Variants in CUBN observed in about 807,000 individuals in gnomAD.
The protein encoded by CUBN is cubilin.
CUBN carries 282 observed loss-of-function variants against 405.3 expected under a neutral mutation model. The observed-to-expected ratio is 0.70, with a 90% confidence interval of 0.63 to 0.77. The LOEUF (loss-of-function observed/expected upper bound fraction) is 0.77. CUBN is among the 30% of genes least tolerant of loss of function. The pLI, the probability that CUBN is intolerant of heterozygous loss-of-function variation, is 0.00. For missense variants in CUBN, 4,514 were observed against 4,475.2 expected, an observed-to-expected ratio of 1.01 and a Z score of -0.25; for synonymous variants, 1,684 against 1,617.0, an observed-to-expected ratio of 1.04 and a Z score of -0.99.
Position 16,899,102 on chromosome 10 carries a change from C to T in CUBN, c.8492G>A (p.Cys2831Tyr). Residue 2831 changes from cysteine (C) to tyrosine (Y), a missense_variant, in exon 54 of 67, where the codon TGT (cysteine) becomes TAT (tyrosine). Coordinates refer to ENST00000377833, the MANE Select transcript of CUBN (RefSeq NM_001081.4). ...WPQNFPENSRCSWTAITHKSK... is the reference protein window; with the variant it reads ...WPQNFPENSRYSWTAITHKSK... Reference sequence around the variant, plus strand: ...TTTGTGAGTAATGGCCGTCCAGGAACATCTGCTGTTTTCGGGAAAATTCTG... The same window carrying T: ...TTTGTGAGTAATGGCCGTCCAGGAATATCTGCTGTTTTCGGGAAAATTCTG... 6.2e-7 allele frequency: 1 copy of T among 1,613,740 alleles called. No individual in the cohort carries two copies. Among genetic ancestry groups the T allele is most frequent in the Non-Finnish European group, 8.5e-7 (1 of 1,179,608 alleles).
At chr10:17,098,224 C>G (rs1019474039) in intron 14 of CUBN, among the ~76,000 whole-genome samples, 1 of 152,146 alleles carries the variant, frequency 6.6e-6, no homozygotes, top group East Asian at 1.9e-4. Flanking sequence ...TCAGCCCAGT[C>G]CAGCCTTTAG....
chr10:16,967,698 G>A (rs1386735608), intron 31 of CUBN, among the ~76,000 whole-genome samples: 2 of 151,614 alleles, frequency 1.3e-5, no homozygotes, highest in African/African-American at 4.9e-5. Flanking sequence ...GATACAGGGA[G>A]GAGAGAGAGA....
intron 60 of CUBN, among the ~76,000 whole-genome samples, chr10:16,842,644 C>T (rs1275033194): frequency 6.6e-6 from 1 of 152,206 alleles, no homozygotes; most frequent in Non-Finnish European, 1.5e-5. Context: ...GGCCTAATTC[C>T]GGAGCAGCCA....
At chr10:17,112,160 T>C (rs1249854006) in intron 8 of CUBN, among the ~76,000 whole-genome samples, 1 of 152,166 alleles carries the variant, frequency 6.6e-6, no homozygotes, top group African/African-American at 2.4e-5. Flanking sequence ...ATAAGAATTC[T>C]TAAAAACCTT....
In CUBN at chr10:16,867,767, TAAG is replaced by T. The variant is rs927321752; in HGVS notation, c.9454+1866_9454+1868del. ...TGCATAGAGAATGCTTCTGACAGTG[TAAG>T]ACTTTTCCTTCTGTTAAATCACAAT... On this transcript the variant is annotated intron_variant, in intron 59 of 66. Coordinates refer to ENST00000377833, the MANE Select transcript of CUBN (RefSeq NM_001081.4). Among the ~76,000 whole-genome samples the T allele has an allele frequency of 8.5e-5, 13 of 152,332 alleles. 1 individual carries two copies. The East Asian group carries it at 2.5e-3, about 29-fold the overall frequency.
chr10:16,847,416 C>A (rs548159139), intron 60 of CUBN, among the ~76,000 whole-genome samples: 5 of 152,090 alleles, frequency 3.3e-5, no homozygotes, highest in African/African-American at 1.2e-4. Context: ...AGCACCACTG[C>A]AGTCCAGCCT....
At chr10:17,123,754 C>A in intron 4 of CUBN, 65 bp from the exon 5 acceptor site, 1 of 1,078,820 alleles carries the variant, frequency 9.3e-7, no homozygotes, top group Middle Eastern at 2.3e-4. Context: ...CGCATGTTAC[C>A]GTGCACGTGG....
intron 44 of CUBN, 44 bp from the exon 45 acceptor site, chr10:16,918,844 C>G (rs755450045): frequency 6.5e-7 from 1 of 1,544,084 alleles, no homozygotes; most frequent in African/African-American, 1.4e-5. Flanking sequence ...TGGTCAGATG[C>G]TTATTTTGAT....
chr10:17,119,793 T>G (rs1836994171), intron 6 of CUBN, among the ~76,000 whole-genome samples: 1 of 152,214 alleles, frequency 6.6e-6, no homozygotes, highest in African/African-American at 2.4e-5. Flanking sequence ...GGTCTAGACC[T>G]CAAGCCAAAA....
intron 28 of CUBN, among the ~76,000 whole-genome samples, chr10:16,998,797 T>C (rs748530700): frequency 3.3e-5 from 5 of 152,314 alleles, no homozygotes; most frequent in South Asian, 2.1e-4. Flanking sequence ...AAAAGGTCTA[T>C]TGTTGAGAAA....
rs970853992 is a variant in CUBN, at chr10:17,081,465, G to C, written c.2301+2806C>G. Among the ~76,000 whole-genome samples the C allele has an allele frequency of 5.3e-5, 8 of 152,156 alleles. No individual in the cohort carries two copies. The East Asian group carries it at 1.2e-3, about 22-fold the overall frequency. On this transcript the variant is annotated intron_variant, in intron 17 of 66. Transcript: ENST00000377833. ...CCCCCTCTAAACCACCAAAGTATTTGAAATACCAACATTCTTTTTTTAATT... is the reference window on the plus strand; with the variant it reads ...CCCCCTCTAAACCACCAAAGTATTTCAAATACCAACATTCTTTTTTTAATT...
chr10:17,104,580 T>C lies in CUBN; in HGVS notation c.1256A>G (p.Lys419Arg). 6.2e-7 allele frequency: 1 copy of C among 1,613,336 alleles called. No individual in the cohort carries two copies. Among genetic ancestry groups the C allele is most frequent in the Non-Finnish European group, 8.5e-7 (1 of 1,179,812 alleles). Residue 419 changes from lysine to arginine, a missense_variant, in exon 12 of 67, where the codon AAG becomes AGG. Physicochemically the swap from Lys to Arg is conservative, Grantham distance 26 (BLOSUM62 2). Transcript: ENST00000377833. ...GACACCTGTCCAACCTGAGTCACAC[T>C]TACAAAAATAACCAGAGACAGTGTC... ...CIDTVSGYFC[K>R]CDSGWTGVNC...
At chr10:17,026,644 A>AT (rs1217883724) in intron 27 of CUBN, among the ~76,000 whole-genome samples, 3 of 105,738 alleles carry the variant, frequency 2.8e-5, no homozygotes, top group South Asian at 5.1e-4. Context: ...AAAAAAAAAT[A>AT]AATAAATAAA....
chr10:16,875,952 G>C (rs1182017903), intron 57 of CUBN, among the ~76,000 whole-genome samples: 1 of 152,196 alleles, frequency 6.6e-6, no homozygotes, highest in Admixed American at 6.5e-5. Flanking sequence ...GTTCTATTCT[G>C]CTAGAGCCAA....
intron 51 of CUBN, among the ~76,000 whole-genome samples, chr10:16,901,918 T>TATATATATATATATAC (rs1236540013): frequency 2.4e-4 from 26 of 109,894 alleles, no homozygotes; most frequent in African/African-American, 9.0e-4. Flanking sequence ...TATATATATA[T>TATATATATATATATAC]ACACACACAC....
intron 60 of CUBN, among the ~76,000 whole-genome samples, chr10:16,847,980 G>T (rs533691503): frequency 6.6e-4 from 101 of 152,274 alleles, no homozygotes; most frequent in African/African-American, 2.4e-3. Flanking sequence ...CATTCCAAGG[G>T]CTATTCTTTG....
chr10:16,973,961 T>C (rs1833015956), intron 31 of CUBN, among the ~76,000 whole-genome samples: 1 of 152,168 alleles, frequency 6.6e-6, no homozygotes, highest in Non-Finnish European at 1.5e-5. Flanking sequence ...CGGGCATGCA[T>C]GTCTGACTCT....
intron 6 of CUBN, 145 bp from the exon 7 acceptor site, chr10:17,115,742 G>T (rs1836879253): frequency 3.2e-6 from 3 of 947,442 alleles, no homozygotes; most frequent in African/African-American, 1.6e-5. Context: ...TTTACTGACT[G>T]GAGTCTCGGG....
chr10:17,049,722 G>T (rs529669810), intron 22 of CUBN, among the ~76,000 whole-genome samples: 1 of 151,868 alleles, frequency 6.6e-6, no homozygotes, highest in Non-Finnish European at 1.5e-5. Flanking sequence ...TACCTAACCC[G>T]CCACCCAACA....
Sources: allele counts gnomAD v4.1 joint callset (sites outside exome capture counted in the v4.1 genomes callset), GRCh38; gene constraint gnomAD v4.1.1; transcripts MANE v1.5; gene names NCBI Gene and HGNC (gene_info 2026-07-23, HGNC 2026-07-21).